Variants in PRUNE2 observed in about 807,000 individuals in gnomAD.
PRUNE2 encodes prune homolog 2 with BCH domain, also known as protein prune homolog 2.
In PRUNE2, 164 loss-of-function variants were observed where a neutral mutation model predicts 252.0. The observed-to-expected ratio is 0.65, with a 90% confidence interval of 0.57 to 0.74. The LOEUF is 0.74. Among genes scored for constraint, PRUNE2 ranks in the 30% least tolerant of loss-of-function variants. The pLI is 0.00. For missense variants in PRUNE2, 3,495 were observed against 3,711.0 expected, an observed-to-expected ratio of 0.94 and a Z score of 1.51; for synonymous variants, 1,292 against 1,350.2, an observed-to-expected ratio of 0.96 and a Z score of 0.94.
intron 4 of PRUNE2, among the ~76,000 whole-genome samples, chr9:76,833,865 A>C: frequency 6.7e-6 from 1 of 150,094 alleles, no homozygotes; most frequent in South Asian, 2.1e-4. Flanking sequence ...CAGGAATGAG[A>C]CCAAGATGCC....
intron 2 of PRUNE2, among the ~76,000 whole-genome samples, chr9:76,853,078 C>G (rs557726877): frequency 6.6e-6 from 1 of 152,306 alleles, no homozygotes; most frequent in South Asian, 2.1e-4. Context: ...CATGTCTTAA[C>G]AGAGGCACAT....
chr9:76,620,688 T>C (rs901355052), intron 17 of PRUNE2, among the ~76,000 whole-genome samples: 1 of 152,142 alleles, frequency 6.6e-6, no homozygotes, highest in Admixed American at 6.5e-5. Flanking sequence ...GATATTTTTA[T>C]AGGGAATATT....
Position 76,864,164 on chromosome 9 carries a change from A to G in PRUNE2, c.37-9956T>C, listed in dbSNP as rs539488703. On this transcript the variant is annotated intron_variant, in intron 1 of 18. Transcript: ENST00000376718. ...CAGCAAAATGTATGGAGCTGGATGG[A>G]GGACATTATCCTAAGCAAATTAACA... 2.6e-5 allele frequency among the ~76,000 whole-genome samples: 4 copies of G among 152,338 alleles called. No homozygotes were observed. The South Asian group carries it at 8.3e-4, about 32-fold the overall frequency.
At chr9:76,774,162 G>T (rs939361504) in intron 6 of PRUNE2, among the ~76,000 whole-genome samples, 16 of 151,708 alleles carry the variant, frequency 1.1e-4, no homozygotes, top group African/African-American at 3.4e-4. Flanking sequence ...TTGACACAGG[G>T]TCTCACTTTA....
intron 11 of PRUNE2, among the ~76,000 whole-genome samples, chr9:76,646,666 T>G (rs900512856): frequency 6.6e-6 from 1 of 152,130 alleles, no homozygotes; most frequent in African/African-American, 2.4e-5. Context: ...GAACTCAATT[T>G]CCCATCTGGT....
intron 6 of PRUNE2, among the ~76,000 whole-genome samples, chr9:76,766,652 C>A (rs1191187105): frequency 2.0e-5 from 3 of 152,148 alleles, no homozygotes; most frequent in African/African-American, 7.2e-5. Flanking sequence ...CCACTTCCCC[C>A]CAATCACAGA....
intron 6 of PRUNE2, chr9:76,787,210 G>A (rs1425501393): frequency 2.0e-5 from 3 of 149,674 alleles, no homozygotes; most frequent in Admixed American, 6.7e-5. Flanking sequence ...TATCAACTTT[G>A]ATTCTTTGTT....
chr9:76,705,833 A>G lies in PRUNE2; in HGVS notation c.6441T>C (p.Tyr2147=). 6.2e-7 allele frequency: 1 copy of G among 1,613,702 alleles called. No individual in the cohort carries two copies. Among genetic ancestry groups the G allele is most frequent in the Non-Finnish European group, 8.5e-7 (1 of 1,179,900 alleles). The change falls in exon 8 of 19, where the codon TAT becomes TAC. Residue 2147 remains tyrosine (Y), a synonymous_variant. Coordinates refer to ENST00000376718, the MANE Select transcript of PRUNE2 (RefSeq NM_015225.3). ...TEPEIDEEPI[Y]EPGREFVPSN... ...ATGGGACAAACTCCCGTCCAGGCTC[A>G]TAAATGGGTTCTTCATCTATCTCTG... is the stretch of plus-strand genomic sequence containing the variant.
At chr9:76,852,131 A>G (rs540145875) in intron 2 of PRUNE2, among the ~76,000 whole-genome samples, 3 of 152,338 alleles carry the variant, frequency 2.0e-5, no homozygotes, top group Non-Finnish European at 2.9e-5. Context: ...GTAAACATTT[A>G]GTACATATTT....
chr9:76,805,961 T>C (rs530009596), intron 6 of PRUNE2, among the ~76,000 whole-genome samples: 2 of 152,260 alleles, frequency 1.3e-5, no homozygotes, highest in African/African-American at 4.8e-5. Context: ...TAGAAGATAA[T>C]TCATGTAAAG....
At position 76,704,816 on chromosome 9, in the gene PRUNE2, TTCCCAGTCAACGTTTGA is replaced by T. The variant is rs2046193520; in HGVS notation, c.7441_7457del (p.Asn2482ArgfsTer4). 6.3e-7 allele frequency: 1 copy of T among 1,586,774 alleles called. No homozygotes were observed. Among genetic ancestry groups the T allele is most frequent in the Non-Finnish European group, 8.6e-7 (1 of 1,164,778 alleles). On this transcript the variant is annotated frameshift_variant, in exon 8 of 19. Transcript: ENST00000376718. LOFTEE classifies it high-confidence loss of function. ...GTAAATCAGAATTATCTGTTTCTACTTCCCAGTCAACGTTTGATGGAGACAAAATGTTGGAGCCTGCT... is the reference window on the plus strand; with the variant it reads ...GTAAATCAGAATTATCTGTTTCTACTTGGAGACAAAATGTTGGAGCCTGCT...
intron 2 of PRUNE2, among the ~76,000 whole-genome samples, chr9:76,852,546 C>T (rs773065129): frequency 6.8e-6 from 1 of 147,870 alleles, no homozygotes; most frequent in Non-Finnish European, 1.5e-5. Flanking sequence ...TGGGGTCACA[C>T]GCATGAGGCA....
chr9:76,834,727 T>C (rs2058859447), intron 4 of PRUNE2, among the ~76,000 whole-genome samples: 1 of 152,206 alleles, frequency 6.6e-6, no homozygotes, highest in Admixed American at 6.5e-5. Flanking sequence ...GTATGAAAAC[T>C]AACTCAGAAA....
At chr9:76,850,106 T>C (rs2059878379) in intron 3 of PRUNE2, among the ~76,000 whole-genome samples, 1 of 152,118 alleles carries the variant, frequency 6.6e-6, no homozygotes, top group Non-Finnish European at 1.5e-5. Flanking sequence ...TGGAGTGCAG[T>C]GGTGCGATCT....
intron 9 of PRUNE2, among the ~76,000 whole-genome samples, chr9:76,701,092 T>C (rs932471034): frequency 6.6e-6 from 1 of 152,124 alleles, no homozygotes; most frequent in Non-Finnish European, 1.5e-5. Context: ...GCATCAGGAG[T>C]TGCTGAAGCT....
In PRUNE2 at chr9:76,906,092, G is replaced by A; in HGVS notation, c.-129C>T. 1 of 995,098 alleles carries A rather than the reference G, an allele frequency of 1.0e-6. No homozygotes were observed. The highest frequency in any genetic ancestry group is 1.3e-5 in the South Asian group (1 of 75,910). 61.6% of individuals were successfully genotyped at this position (995,098 alleles called of 1,614,324 possible). ...CAGCGACCGACTGCTCCCTCCTGCC[G>A]CTCTGAGGCGGCTGCGGCGGAGGCT... On this transcript the variant is annotated 5_prime_UTR_variant, in exon 1 of 19. Transcript: ENST00000376718.
At chr9:76,737,229 C>A (rs1024564404) in intron 6 of PRUNE2, 7 of 152,168 alleles carry the variant, frequency 4.6e-5, no homozygotes, top group African/African-American at 1.7e-4. Context: ...TAGTAAGCTG[C>A]CAGGTTGATG....
intron 4 of PRUNE2, among the ~76,000 whole-genome samples, chr9:76,837,441 A>AAAT (rs57793891): frequency 0.17 from 23,208 of 134,436 alleles, 2,298 homozygotes; most frequent in African/African-American, 0.28. Flanking sequence ...ACTCTGTCTC[A>AAAT]AATAATAATA....
chr9:76,636,655 A>C, intron 14 of PRUNE2, 98 bp from the exon 15 acceptor site: 4 of 709,576 alleles, frequency 5.6e-6, no homozygotes, highest in Non-Finnish European at 9.5e-6. Flanking sequence ...TATATAATTT[A>C]AGTCTGGCAT....
Sources: gnomAD v4.1 joint callset for allele counts (sites outside exome capture counted in the v4.1 genomes callset) on GRCh38, gnomAD v4.1.1 for gene constraint, MANE v1.5 for transcripts, NCBI Gene and HGNC (gene_info 2026-07-23, HGNC 2026-07-21) for gene names.